Variants in GRIK2 observed in about 807,000 individuals in gnomAD.
GRIK2 encodes the protein glutamate ionotropic receptor kainate type subunit 2.
In GRIK2, 32 loss-of-function variants were observed where a neutral mutation model predicts 100.3. The ratio of observed to expected loss-of-function variants is 0.32; its 90% CI spans 0.24 to 0.43. GRIK2 has a LOEUF of 0.43. Among genes scored for constraint, GRIK2 ranks in the 20% least tolerant of loss-of-function variants. The probability of loss-of-function intolerance (pLI) is 1.00; values close to 1 mark genes in which losing one functional copy is unlikely to be tolerated. For synonymous variants in GRIK2, 417 were observed against 389.4 expected, an observed-to-expected ratio of 1.07 and a Z score of -0.83; for missense variants, 843 against 1,114.9, an observed-to-expected ratio of 0.76 and a Z score of 3.47.
intron 2 of GRIK2, among the ~76,000 whole-genome samples, chr6:101,541,621 CAT>C (rs1480201820): frequency 6.6e-6 from 1 of 151,990 alleles, no homozygotes; most frequent in Non-Finnish European, 1.5e-5. Flanking sequence ...TGGCACATAG[CAT>C]TTTGTGTAGT....
chr6:102,037,236 C>T (rs956388132), intron 15 of GRIK2, among the ~76,000 whole-genome samples: 1 of 150,920 alleles, frequency 6.6e-6, no homozygotes, highest in African/African-American at 2.4e-5. Flanking sequence ...TTCTTACTCC[C>T]AAAATAGGCA....
chr6:101,629,377 A>G (rs1327741254), intron 4 of GRIK2, among the ~76,000 whole-genome samples: 1 of 152,156 alleles, frequency 6.6e-6, no homozygotes, highest in East Asian at 1.9e-4. Context: ...CATTTAATTC[A>G]ATGAATTTTG....
chr6:101,453,768 T>G (rs1353803994), intron 2 of GRIK2, among the ~76,000 whole-genome samples: 7 of 152,050 alleles, frequency 4.6e-5, no homozygotes, highest in Admixed American at 3.9e-4. Context: ...TTCATGTGCT[T>G]TATGTCTGTA....
At chr6:101,552,342 G>A (rs1776550440) in intron 2 of GRIK2, among the ~76,000 whole-genome samples, 1 of 152,144 alleles carries the variant, frequency 6.6e-6, no homozygotes, top group South Asian at 2.1e-4. Flanking sequence ...TAAGAAGGCA[G>A]TCCTAAACTT....
intron 12 of GRIK2, among the ~76,000 whole-genome samples, chr6:101,908,111 G>A (rs796212854): frequency 9.9e-5 from 15 of 151,454 alleles, no homozygotes; most frequent in African/African-American, 3.1e-4. Flanking sequence ...CATTCTGTCC[G>A]AGCTGTCATT....
chr6:101,937,241 A>G (rs1790673603), intron 14 of GRIK2, among the ~76,000 whole-genome samples: 1 of 152,118 alleles, frequency 6.6e-6, no homozygotes, highest in African/African-American at 2.4e-5. Flanking sequence ...CTAGTATGCT[A>G]TGGTTCTCTC....
At chr6:101,591,598 A>G (rs1018964048) in intron 2 of GRIK2, among the ~76,000 whole-genome samples, 6 of 151,998 alleles carry the variant, frequency 3.9e-5, no homozygotes, top group African/African-American at 1.4e-4. Flanking sequence ...TGATTTTGAT[A>G]AGAACAGTAT....
intron 14 of GRIK2, among the ~76,000 whole-genome samples, chr6:101,933,778 A>C (rs1052187343): frequency 1.8e-4 from 28 of 152,078 alleles, no homozygotes; most frequent in Non-Finnish European, 3.2e-4. Context: ...ATTATTCTAC[A>C]GGGCAGTCAA....
intron 7 of GRIK2, among the ~76,000 whole-genome samples, chr6:101,796,235 A>G (rs1780295914): frequency 1.3e-5 from 2 of 152,192 alleles, no homozygotes; most frequent in East Asian, 1.9e-4. Context: ...TTGCACCTGA[A>G]TAATGGTTAT....
rs534438596 is a variant in GRIK2, at chr6:101,785,334, A to G, written c.952-14314A>G. On this transcript the variant is annotated intron_variant, in intron 7 of 16. Transcript: ENST00000369134. Reference sequence around the variant, plus strand: ...TCCCATATGGCTTTTTGTGTCCCATATGTCTATTTTTTGTTAATTGCCTAT... The same window carrying G: ...TCCCATATGGCTTTTTGTGTCCCATGTGTCTATTTTTTGTTAATTGCCTAT... Among the ~76,000 whole-genome samples, 111 of 152,096 alleles carry G rather than the reference A, an allele frequency of 7.3e-4. 1 individual carries two copies. Among genetic ancestry groups the G allele is most frequent in the African/African-American group, 2.4e-3 (100 of 41,528 alleles).
chr6:101,830,334 C>G (rs1208350086), intron 10 of GRIK2, among the ~76,000 whole-genome samples: 1 of 151,840 alleles, frequency 6.6e-6, no homozygotes, highest in Non-Finnish European at 1.5e-5. Context: ...TGGAAGAAAA[C>G]CAAGGAAATA....
At chr6:101,903,034 T>G (rs1422152393) in intron 12 of GRIK2, among the ~76,000 whole-genome samples, 1 of 151,808 alleles carries the variant, frequency 6.6e-6, no homozygotes, top group Non-Finnish European at 1.5e-5. Flanking sequence ...ATCCTCATAG[T>G]TACAAGATAC....
chr6:101,934,136 G>A (rs77257832), intron 14 of GRIK2, among the ~76,000 whole-genome samples: 4,513 of 151,884 alleles, frequency 0.03, 138 homozygotes, highest in African/African-American at 0.064. Flanking sequence ...AACAGATGAG[G>A]AAACTGGGCC....
At chr6:101,888,587 A>G (rs915136532) in intron 11 of GRIK2, among the ~76,000 whole-genome samples, 3 of 152,124 alleles carry the variant, frequency 2.0e-5, no homozygotes, top group African/African-American at 4.8e-5. Context: ...AAGCATTTCA[A>G]TGTTCTTTCT....
At chr6:102,036,161 A>G (rs1371596372) in intron 15 of GRIK2, among the ~76,000 whole-genome samples, 3 of 151,136 alleles carry the variant, frequency 2.0e-5, no homozygotes, top group African/African-American at 7.3e-5. Context: ...TTTCCAGAAA[A>G]CCATAATAAA....
intron 2 of GRIK2, among the ~76,000 whole-genome samples, chr6:101,401,173 C>T (rs1303269058): frequency 6.6e-6 from 1 of 151,970 alleles, no homozygotes; most frequent in African/African-American, 2.4e-5. Context: ...GTGTGTTTGC[C>T]GACTAGATGG....
intron 16 of GRIK2, chr6:102,065,735 C>A: frequency 9.9e-7 from 1 of 1,011,726 alleles, no homozygotes. Context: ...TAAATGTCAA[C>A]GGGATCAAGT....
intron 7 of GRIK2, among the ~76,000 whole-genome samples, chr6:101,691,391 C>A (rs1772085829): frequency 1.3e-5 from 2 of 151,692 alleles, no homozygotes; most frequent in Admixed American, 6.6e-5. Flanking sequence ...TCTGCCTCCC[C>A]AGATTGCAGA....
At chr6:101,960,219 T>A (rs1299187293) in intron 14 of GRIK2, among the ~76,000 whole-genome samples, 2,423 of 151,878 alleles carry the variant, frequency 0.016, 67 homozygotes, top group African/African-American at 0.056. Flanking sequence ...TTATCTGTAA[T>A]AATTTTTAAT....
Sources: allele counts gnomAD v4.1 joint callset (sites outside exome capture counted in the v4.1 genomes callset), GRCh38; gene constraint gnomAD v4.1.1; transcripts MANE v1.5; gene names NCBI Gene and HGNC (gene_info 2026-07-23, HGNC 2026-07-21).